Variants in USP48 observed in about 807,000 individuals in gnomAD.
USP48 encodes the protein ubiquitin specific peptidase 48.
In USP48, 43 loss-of-function variants were observed where a neutral mutation model predicts 150.7. The ratio of observed to expected loss-of-function variants is 0.29; its 90% CI spans 0.22 to 0.37. The LOEUF (loss-of-function observed/expected upper bound fraction) is 0.37, where lower values mean the gene tolerates loss of function less well. USP48 is among the 10% of genes least tolerant of loss of function. The pLI, the probability that USP48 is intolerant of heterozygous loss-of-function variation, is 1.00. For missense variants in USP48, 813 were observed against 1,249.6 expected (o/e 0.65, Z 5.27); for synonymous variants, 396 against 425.9 (o/e 0.93, Z 0.86).
In USP48 at chr1:21,760,962, G is replaced by A. The variant is rs866133041; in HGVS notation, c.135-3179C>T. On this transcript the variant is annotated intron_variant, in intron 1 of 26. Transcript: ENST00000308271. ...TACAAAATTAGCCGGGCATGGTGGC[G>A]CATGCCTGTTAATCCCAGCTAGTTG... is the stretch of plus-strand genomic sequence containing the variant. 4.2e-4 allele frequency among the ~76,000 whole-genome samples: 63 copies of A among 151,742 alleles called. 1 individual carries two copies. The highest frequency in any genetic ancestry group is 1.5e-3 in the African/African-American group (60 of 41,374).
intron 25 of USP48, among the ~76,000 whole-genome samples, chr1:21,682,981 C>T (rs2097570724): frequency 6.6e-6 from 1 of 152,120 alleles, no homozygotes; most frequent in East Asian, 1.9e-4. Context: ...ACAAACAAGG[C>T]CAGGTGCAAT....
At chr1:21,728,311 C>T in intron 11 of USP48, 7 of 1,195,040 alleles carry the variant, frequency 5.9e-6, no homozygotes, top group Non-Finnish European at 7.3e-6. Flanking sequence ...ATCTACAATA[C>T]TCATGGATGC....
chr1:21,730,609 G>T (rs2097754351), intron 9 of USP48, among the ~76,000 whole-genome samples: 1 of 151,718 alleles, frequency 6.6e-6, no homozygotes, highest in Non-Finnish European at 1.5e-5. Flanking sequence ...CAGGAGAATC[G>T]CTTGAACCCA....
rs763942291 is a variant in USP48, at chr1:21,704,318, G to C, written c.2459C>G (p.Thr820Arg). 7 of 1,613,344 alleles carry C rather than the reference G, an allele frequency of 4.3e-6. No homozygotes were observed. Among genetic ancestry groups the C allele is most frequent in the South Asian group, 1.1e-5 (1 of 91,058 alleles). The change falls in exon 20 of 27, where the codon ACG (threonine) becomes AGG (arginine). Residue 820 changes from threonine (T) to arginine (R), a missense_variant. By Grantham distance (71) the Thr-to-Arg change is moderately conservative. Coordinates refer to ENST00000308271, the MANE Select transcript of USP48 (RefSeq NM_032236.8). The stretch of plus-strand genomic sequence containing the variant: ...GTTTACATCTCCCACTTCAATTCTC[G>C]TGATTTTAATTACATGATCCACAAC... ...LFVVDHVIKI[T>R]RIEVGDVNPS...
intron 1 of USP48, among the ~76,000 whole-genome samples, chr1:21,766,835 C>T (rs2097863376): frequency 6.6e-6 from 1 of 152,006 alleles, no homozygotes; most frequent in Non-Finnish European, 1.5e-5. Flanking sequence ...GAAGCTGAGT[C>T]GAGTGGATAA....
chr1:21,718,771 T>G (rs944158802), intron 14 of USP48, among the ~76,000 whole-genome samples: 6 of 151,756 alleles, frequency 4.0e-5, no homozygotes, highest in Non-Finnish European at 8.8e-5. Flanking sequence ...TTGGTCAGGC[T>G]GATCTCGAAC....
Position 21,747,165 on chromosome 1 carries a change from G to A in USP48, c.909-16C>T. 1 of 1,573,576 alleles carries A rather than the reference G, an allele frequency of 6.4e-7. No homozygotes were observed. Among genetic ancestry groups the A allele is most frequent in the East Asian group, 2.2e-5 (1 of 44,504 alleles). On this transcript the variant is annotated splice_polypyrimidine_tract_variant and intron_variant, in intron 7 of 26. Coordinates refer to ENST00000308271, the MANE Select transcript of USP48 (RefSeq NM_032236.8). ...TCCAGTTTGCCTAACCAAGAGGAAA[G>A]CTGATTATATTTACATTTAAAACAA...
At chr1:21,760,191 G>C (rs894402903) in intron 1 of USP48, among the ~76,000 whole-genome samples, 4 of 152,144 alleles carry the variant, frequency 2.6e-5, no homozygotes, top group African/African-American at 9.7e-5. Context: ...GAAATACAAA[G>C]AAAGATTCAC....
At chr1:21,696,600 A>G (rs1320931210) in intron 22 of USP48, among the ~76,000 whole-genome samples, 2 of 152,226 alleles carry the variant, frequency 1.3e-5, no homozygotes, top group African/African-American at 4.8e-5. Flanking sequence ...AGAGGACATT[A>G]GGGAGTTTTC....
At chr1:21,681,154 T>C in intron 25 of USP48, 1 of 202,380 alleles carries the variant, frequency 4.9e-6, no homozygotes, top group East Asian at 1.2e-4. Flanking sequence ...GCTGTCTCTC[T>C]CCCCTTCCTC....
intron 25 of USP48, among the ~76,000 whole-genome samples, chr1:21,683,116 C>G (rs1168588991): frequency 6.6e-6 from 1 of 152,084 alleles, no homozygotes; most frequent in Non-Finnish European, 1.5e-5. Context: ...CAAAAGTTAG[C>G]CAGGCATGGT....
chr1:21,680,001 A>G (rs921618408), intron 26 of USP48, among the ~76,000 whole-genome samples: 4 of 152,070 alleles, frequency 2.6e-5, no homozygotes, highest in Non-Finnish European at 5.9e-5. Context: ...GCCAATGACC[A>G]TTTTTCATAA....
chr1:21,730,797 T>C (rs1465378240), intron 9 of USP48, among the ~76,000 whole-genome samples: 1 of 151,412 alleles, frequency 6.6e-6, no homozygotes, highest in Non-Finnish European at 1.5e-5. Flanking sequence ...AGTCTTGCTC[T>C]GTCGGCAGGC....
rs2097583081 is a variant in USP48, at chr1:21,687,472, G to C, written c.3010-233C>G. Among the ~76,000 whole-genome samples, 4 of 152,214 alleles carry C rather than the reference G, an allele frequency of 2.6e-5. No individual in the cohort carries two copies. In the South Asian group the frequency reaches 8.3e-4, roughly 32 times the overall value. On this transcript the variant is annotated intron_variant, in intron 24 of 26. Coordinates refer to ENST00000308271, the MANE Select transcript of USP48 (RefSeq NM_032236.8). ...GTATACTGTGTGTGTGAAGAGGAAA[G>C]GCAGGGGGGACTATTTTCCCATTCT...
intron 1 of USP48, among the ~76,000 whole-genome samples, chr1:21,771,627 C>A (rs2097880914): frequency 6.6e-6 from 1 of 151,582 alleles, no homozygotes; most frequent in South Asian, 2.1e-4. Flanking sequence ...GCAAAAAAAA[C>A]AGGGTTGAGA....
chr1:21,761,359 T>C (rs943992270), intron 1 of USP48, among the ~76,000 whole-genome samples: 4 of 151,374 alleles, frequency 2.6e-5, no homozygotes, highest in Non-Finnish European at 5.9e-5. Flanking sequence ...AGCCTCTACA[T>C]CCTGGACTCA....
intron 11 of USP48, chr1:21,724,769 G>A (rs539791): frequency 1.3e-5 from 2 of 152,086 alleles, no homozygotes; most frequent in African/African-American, 4.8e-5. Context: ...AAGTACACTA[G>A]AACTGAGTCA....
intron 1 of USP48, among the ~76,000 whole-genome samples, chr1:21,763,269 A>G (rs2097854277): frequency 6.6e-6 from 1 of 152,216 alleles, no homozygotes; most frequent in Admixed American, 6.5e-5. Context: ...CGGCTAGAAC[A>G]CCACCACAGC....
intron 23 of USP48, 69 bp from the exon 24 acceptor site, chr1:21,690,168 A>C (rs2097593442): frequency 7.0e-7 from 1 of 1,432,490 alleles, no homozygotes; most frequent in Non-Finnish European, 9.3e-7. Flanking sequence ...TATTTAAATA[A>C]ATTATGCATG....
Sources: allele counts gnomAD v4.1 joint callset (sites outside exome capture counted in the v4.1 genomes callset), GRCh38; gene constraint gnomAD v4.1.1; transcripts MANE v1.5; gene names NCBI Gene and HGNC (gene_info 2026-07-23, HGNC 2026-07-21).